PLCZ1: variants seen among roughly 807,000 people sequenced by gnomAD.
The protein encoded by PLCZ1 is 1-phosphatidylinositol 4,5-bisphosphate phosphodiesterase zeta-1.
In PLCZ1, 64 loss-of-function variants were observed where a neutral mutation model predicts 76.8. The observed-to-expected ratio is 0.83, with a 90% CI of 0.68 to 1.03. The LOEUF is 1.03. Ranked by LOEUF, PLCZ1 falls within the 50% of genes least tolerant of loss-of-function variation. The probability of loss-of-function intolerance (pLI) is 0.00; values close to 1 mark genes in which losing one functional copy is unlikely to be tolerated. For synonymous variants in PLCZ1, 248 were observed against 230.8 expected (o/e 1.07, Z -0.68); for missense variants, 751 against 713.7 (o/e 1.05, Z -0.60).
chr12:18,696,322 C>CTGTATA (rs1772612270), intron 10 of PLCZ1, 56 bp from the exon 11 acceptor site: 1 of 253,072 alleles, frequency 4.0e-6, no homozygotes, highest in Non-Finnish European at 6.8e-6. Flanking sequence ...TAAAAAGCCA[C>CTGTATA]TATATATATA....
At chr12:18,673,556 G>C in the PLCZ1 span, among the ~76,000 whole-genome samples, 1 of 152,094 alleles carries the variant, frequency 6.6e-6, no homozygotes, top group Admixed American at 6.5e-5. Context: ...ACAAAGAAAA[G>C]ACCTATTCTA....
intron 12 of PLCZ1, among the ~76,000 whole-genome samples, chr12:18,690,159 G>A (rs557201516): frequency 2.0e-5 from 3 of 152,238 alleles, no homozygotes; most frequent in South Asian, 2.1e-4. Context: ...GATATATTGG[G>A]CATATACTTT....
rs755363982 is a variant in PLCZ1, at chr12:18,699,815, G to A, written c.1153C>T (p.Arg385Ter). ...TTACCTCGCAATTTTGAAAGTTTTC[G>A]GGCTTGTGTCTCCCCAATAGAATTA... ...ENNSIGETQA[R>*]KLSKLRVHEF... The change falls in exon 10 of 15, where the codon CGA (arginine) becomes TGA (stop). Residue 385 changes from arginine (R) to a stop codon, truncating the protein, a stop_gained. Coordinates refer to ENST00000266505, the MANE Select transcript of PLCZ1 (RefSeq NM_033123.4). LOFTEE classifies it high-confidence loss of function. The A allele has an allele frequency of 4.3e-6, 7 of 1,613,058 alleles. No homozygotes were observed. The highest frequency in any genetic ancestry group is 3.3e-5 in the Admixed American group (2 of 59,952).
intron 6 of PLCZ1, among the ~76,000 whole-genome samples, chr12:18,710,837 C>A (rs112639199): frequency 0.05 from 7,653 of 152,198 alleles, 280 homozygotes; most frequent in Non-Finnish European, 0.076. Flanking sequence ...CAATGAGATG[C>A]AATCTCACAC....
intron 6 of PLCZ1, among the ~76,000 whole-genome samples, chr12:18,706,047 C>T (rs570602242): frequency 7.3e-5 from 11 of 151,182 alleles, no homozygotes; most frequent in South Asian, 2.1e-4. Context: ...GCCAACATGG[C>T]GAAACCCCAT....
chr12:18,683,436 C>T lies in PLCZ1; in HGVS notation c.1742-112G>A. 2.1e-6 allele frequency: 3 copies of T among 1,445,442 alleles called. No homozygotes were observed. The Admixed American group carries it at 5.6e-5, about 27-fold the overall frequency. The allele number at this position is 1,445,442 out of a possible 1,614,324, so 89.5% of individuals were successfully genotyped here. ...ACTAAGCCTACATTAAAAACCATGA[C>T]TATAGAGTTATATTCCCATCTGGTA... On this transcript the variant is annotated intron_variant, in intron 14 of 14. Transcript: ENST00000266505.
Position 18,688,135 on chromosome 12 carries a change from A to G in PLCZ1, c.1545T>C (p.Val515=). Reference sequence around the variant, plus strand: ...TCTGCTGCTTCATTTGATCATTTGGAACACCAAAAACTTCTATAATTACTA... The same window carrying G: ...TCTGCTGCTTCATTTGATCATTTGGGACACCAAAAACTTCTATAATTACTA... ...DSLVIIEVFG[V]PNDQMKQQTR... The change falls in exon 13 of 15, where the codon GTT becomes GTC. Residue 515 remains valine (V), a synonymous_variant. Coordinates refer to ENST00000266505, the MANE Select transcript of PLCZ1 (RefSeq NM_033123.4). The G allele has an allele frequency of 6.2e-7, 1 of 1,611,752 alleles. No individual in the cohort carries two copies. Among genetic ancestry groups the G allele is most frequent in the Non-Finnish European group, 8.5e-7 (1 of 1,179,076 alleles).
intron 12 of PLCZ1, among the ~76,000 whole-genome samples, chr12:18,688,801 G>A (rs528552246): frequency 1.3e-5 from 2 of 151,902 alleles, no homozygotes; most frequent in Admixed American, 1.3e-4. Flanking sequence ...AACAAAATGA[G>A]CACACAACAA....
At chr12:18,654,729 A>C in the PLCZ1 span, among the ~76,000 whole-genome samples, 5 of 152,214 alleles carry the variant, frequency 3.3e-5, no homozygotes, top group Non-Finnish European at 5.9e-5. Flanking sequence ...TGATAAGATT[A>C]TCTTTTACAT....
At chr12:18,670,527 T>C in the PLCZ1 span, among the ~76,000 whole-genome samples, 60 of 152,332 alleles carry the variant, frequency 3.9e-4, 1 homozygote, top group African/African-American at 1.4e-3. Flanking sequence ...TTTAATCTTA[T>C]TGTCTTCATC....
chr12:18,699,860 A>G lies in PLCZ1; in HGVS notation c.1108T>C (p.Tyr370His). The stretch of plus-strand genomic sequence containing the variant: ...GAATTATTTTCATTAAATTGCTGAT[A>G]TAATCTTGAATGTTGAAAGCTTTTG... ...KFKSFQHSRL[Y>H]QQFNENNSIG... The change falls in exon 10 of 15, where the codon TAT becomes CAT. Residue 370 changes from tyrosine to histidine, a missense_variant. Transcript: ENST00000266505. The G allele has an allele frequency of 6.2e-7, 1 of 1,613,152 alleles. No homozygotes were observed.
the PLCZ1 span, among the ~76,000 whole-genome samples, chr12:18,650,694 G>GTA: frequency 2.6e-5 from 1 of 38,864 alleles, no homozygotes; most frequent in South Asian, 1.1e-3. Flanking sequence ...GTGTGTGTGT[G>GTA]TGTGTGTGTG....
chr12:18,704,406 AC>A (rs1408488442), intron 7 of PLCZ1, among the ~76,000 whole-genome samples: 1 of 151,878 alleles, frequency 6.6e-6, no homozygotes, highest in African/African-American at 2.4e-5. Flanking sequence ...GCTCACTGTA[AC>A]CCCCGCCTCC....
At position 18,736,320 on chromosome 12, in the gene PLCZ1, A is replaced by T; in HGVS notation, c.36T>A (p.Asp12Glu). 1 of 1,612,610 alleles carries T rather than the reference A, an allele frequency of 6.2e-7. No individual in the cohort carries two copies. Among genetic ancestry groups the T allele is most frequent in the South Asian group, 1.1e-5 (1 of 91,016 alleles). The change falls in exon 3 of 15, where the codon GAT becomes GAA. Residue 12 changes from aspartate to glutamate, a missense_variant. Transcript: ENST00000266505. ...GGTTAATTTTTCCACCTCTGAAGTC[A>T]TCCTGAATCTTTGACAAAAACCATG... ...EMRWFLSKIQ[D>E]DFRGGKINLE...
chr12:18,652,178 G>C, the PLCZ1 span, among the ~76,000 whole-genome samples: 480 of 152,108 alleles, frequency 3.2e-3, 5 homozygotes, highest in African/African-American at 0.011. Flanking sequence ...AAAGAAAAAA[G>C]GTTACTAAAG....
intron 12 of PLCZ1, among the ~76,000 whole-genome samples, chr12:18,689,790 G>A (rs979379063): frequency 6.6e-6 from 1 of 152,160 alleles, no homozygotes; most frequent in Non-Finnish European, 1.5e-5. Context: ...GAAGAGTAAA[G>A]CAGCAATGTC....
the PLCZ1 span, among the ~76,000 whole-genome samples, chr12:18,655,747 CATG>C: frequency 4.8e-5 from 2 of 41,450 alleles, no homozygotes; most frequent in South Asian, 1.5e-3. Flanking sequence ...CCAACCTTAT[CATG>C]AAAAAAAAAA....
the PLCZ1 span, among the ~76,000 whole-genome samples, chr12:18,667,966 CA>C: frequency 7.2e-5 from 11 of 151,872 alleles, no homozygotes; most frequent in African/African-American, 2.7e-4. Flanking sequence ...TGAGGAGAAG[CA>C]ACAACAACAA....
At chr12:18,707,156 T>C (rs1467925270) in intron 6 of PLCZ1, among the ~76,000 whole-genome samples, 1 of 152,206 alleles carries the variant, frequency 6.6e-6, no homozygotes, top group African/African-American at 2.4e-5. Flanking sequence ...TCTAGAGGTC[T>C]TTAACTTAAT....
Sources: gnomAD v4.1 joint callset for allele counts (sites outside exome capture counted in the v4.1 genomes callset) on GRCh38, gnomAD v4.1.1 for gene constraint, MANE v1.5 for transcripts, NCBI Gene and HGNC (gene_info 2026-07-23, HGNC 2026-07-21) for gene names.